Variants in SETBP1 observed in about 807,000 individuals in gnomAD.
SETBP1 encodes the protein SET-binding protein.
A neutral mutation model predicts 101.0 loss-of-function variants in SETBP1; 9 were observed. The observed-to-expected ratio is 0.09, with a 90% CI of 0.05 to 0.16. The LOEUF (loss-of-function observed/expected upper bound fraction) is 0.16. Ranked by LOEUF, SETBP1 falls within the 10% of genes least tolerant of loss-of-function variation. The probability of loss-of-function intolerance (pLI) is 1.00; values close to 1 mark genes in which losing one functional copy is unlikely to be tolerated. For synonymous variants in SETBP1, 818 were observed against 788.5 expected, an observed-to-expected ratio of 1.04 and a Z score of -0.63; for missense variants, 1,858 against 2,033.8, an observed-to-expected ratio of 0.91 and a Z score of 1.66.
intron 1 of SETBP1, among the ~76,000 whole-genome samples, chr18:44,688,315 A>C (rs1279044903): frequency 6.6e-6 from 1 of 152,178 alleles, no homozygotes; most frequent in Non-Finnish European, 1.5e-5. Context: ...AAAGGTTGAG[A>C]TGGGGAAGCT....
At chr18:44,690,512 C>T (rs2068912399) in intron 1 of SETBP1, among the ~76,000 whole-genome samples, 1 of 152,188 alleles carries the variant, frequency 6.6e-6, no homozygotes, top group Non-Finnish European at 1.5e-5. Flanking sequence ...TCAGTTTATC[C>T]TCATTGCCTC....
chr18:44,690,184 T>A (rs1043887352), intron 1 of SETBP1, among the ~76,000 whole-genome samples: 2 of 152,222 alleles, frequency 1.3e-5, no homozygotes, highest in African/African-American at 4.8e-5. Flanking sequence ...AAGTGTTTAA[T>A]GTATAATTGG....
At chr18:44,857,166 C>G (rs996707771) in intron 2 of SETBP1, among the ~76,000 whole-genome samples, 1 of 152,200 alleles carries the variant, frequency 6.6e-6, no homozygotes. Flanking sequence ...GAAACCTCTT[C>G]TTCTATGAAA....
chr18:44,773,785 T>G (rs988244599), intron 2 of SETBP1, among the ~76,000 whole-genome samples: 9 of 150,640 alleles, frequency 6.0e-5, no homozygotes, highest in Non-Finnish European at 1.3e-4. Flanking sequence ...AGTATTAATC[T>G]CAACCAGCCT....
intron 3 of SETBP1, among the ~76,000 whole-genome samples, chr18:44,942,011 T>C (rs912481372): frequency 5.9e-5 from 9 of 152,216 alleles, no homozygotes; most frequent in Non-Finnish European, 1.3e-4. Flanking sequence ...GTTCTGGATA[T>C]TGTGGATGCT....
chr18:44,858,871 T>G (rs1216701681), intron 2 of SETBP1, among the ~76,000 whole-genome samples: 1 of 152,210 alleles, frequency 6.6e-6, no homozygotes, highest in Non-Finnish European at 1.5e-5. Flanking sequence ...ACTTTAATAT[T>G]ATTAAAAGTA....
chr18:44,987,383 C>T (rs2072264171), intron 4 of SETBP1: 1 of 152,190 alleles, frequency 6.6e-6, no homozygotes, highest in South Asian at 2.1e-4. Flanking sequence ...CGCAAACCCC[C>T]AATTAGGATT....
chr18:44,923,231 A>G (rs1450764847), intron 3 of SETBP1, among the ~76,000 whole-genome samples: 2 of 152,220 alleles, frequency 1.3e-5, no homozygotes, highest in Non-Finnish European at 2.9e-5. Flanking sequence ...GCATTTGAAG[A>G]ACATGGAACT....
intron 3 of SETBP1, among the ~76,000 whole-genome samples, chr18:44,943,959 C>T (rs751668033): frequency 1.3e-5 from 2 of 151,862 alleles, no homozygotes; most frequent in African/African-American, 2.4e-5. Context: ...CTCAGCCTCC[C>T]GAGTAGCTGG....
intron 1 of SETBP1, among the ~76,000 whole-genome samples, chr18:44,697,765 G>A (rs2069044464): frequency 6.6e-6 from 1 of 152,218 alleles, no homozygotes; most frequent in Non-Finnish European, 1.5e-5. Flanking sequence ...GTCCGGCCAA[G>A]GAGTGAGCAC....
rs569176422 is a variant in SETBP1 at position 45,018,352 on chromosome 18, T to C, written c.4001-20133T>C. On this transcript the variant is annotated intron_variant, in intron 4 of 5. Coordinates refer to ENST00000649279, the MANE Select transcript of SETBP1 (RefSeq NM_015559.3). Reference sequence around the variant, plus strand: ...CTTGTTTTCATTTCAAATGGTAGTGTTAGTTGTGTGGTTTTGTATGTGTTG... The same window carrying C: ...CTTGTTTTCATTTCAAATGGTAGTGCTAGTTGTGTGGTTTTGTATGTGTTG... Among the ~76,000 whole-genome samples the C allele has an allele frequency of 3.3e-5, 5 of 152,316 alleles. No individual in the cohort carries two copies. In the South Asian group the frequency reaches 1.0e-3, roughly 32 times the overall value.
At chr18:45,011,596 C>T (rs1018588279) in intron 4 of SETBP1, among the ~76,000 whole-genome samples, 1 of 152,240 alleles carries the variant, frequency 6.6e-6, no homozygotes, top group Non-Finnish European at 1.5e-5. Flanking sequence ...CTCTTTCTCT[C>T]AGGGGCCAGG....
chr18:44,806,059 A>C (rs2071726106), intron 2 of SETBP1, among the ~76,000 whole-genome samples: 1 of 152,102 alleles, frequency 6.6e-6, no homozygotes, highest in Non-Finnish European at 1.5e-5. Context: ...TCTGTCACAC[A>C]CTTCTTGATA....
rs896046013 is a variant in SETBP1 at position 44,974,395 on chromosome 18, G to T, written c.4000+21055G>T. 2.6e-5 allele frequency among the ~76,000 whole-genome samples: 4 copies of T among 152,330 alleles called. No homozygotes were observed. The South Asian group carries it at 6.2e-4, about 24-fold the overall frequency. On this transcript the variant is annotated intron_variant, in intron 4 of 5. Transcript: ENST00000649279. ...AGCTAAGTAAGTTTGGCAAGGAGGG[G>T]AGGGAGATGAGAGTAGCTGAGGATA...
At chr18:45,002,789 G>A (rs57741992) in intron 4 of SETBP1, among the ~76,000 whole-genome samples, 9,147 of 152,204 alleles carry the variant, frequency 0.06, 321 homozygotes, top group South Asian at 0.11. Context: ...AAAGGTGTTC[G>A]TTTGTTTTAC....
rs2073980146 is a variant in SETBP1 at position 45,067,232 on chromosome 18, A to G, written c.*3534A>G. ...GCTGGGTCTATAAATATGATAAGCA[A>G]GTGGTGACAGAATTATAGTATAAGG... is the stretch of plus-strand genomic sequence containing the variant. On this transcript the variant is annotated 3_prime_UTR_variant, in exon 6 of 6. Coordinates refer to ENST00000649279, the MANE Select transcript of SETBP1 (RefSeq NM_015559.3). 1 of 152,244 alleles carries G rather than the reference A, an allele frequency of 6.6e-6. No individual in the cohort carries two copies. Among genetic ancestry groups the G allele is most frequent in the Non-Finnish European group, 1.5e-5 (1 of 68,038 alleles). The allele number at this position is 152,244 out of a possible 1,614,324, so 9.4% of individuals were successfully genotyped here. A position where few individuals can be genotyped will look rare whatever the true frequency, so the allele number is the denominator to read the frequency against.
At chr18:45,055,737 A>C (rs2145569155) in intron 5 of SETBP1, among the ~76,000 whole-genome samples, 1 of 152,360 alleles carries the variant, frequency 6.6e-6, no homozygotes. Context: ...TATCAGTTAA[A>C]CAAGATTTTT....
intron 4 of SETBP1, among the ~76,000 whole-genome samples, chr18:45,000,451 C>T (rs1030280825): frequency 1.3e-5 from 2 of 152,152 alleles, no homozygotes; most frequent in Non-Finnish European, 2.9e-5. Context: ...TGCCTGGAAA[C>T]AGGGCATGGT....
intron 2 of SETBP1, among the ~76,000 whole-genome samples, chr18:44,796,538 T>C (rs1289114258): frequency 6.6e-6 from 1 of 152,220 alleles, no homozygotes; most frequent in Non-Finnish European, 1.5e-5. Context: ...AAAAGCTCTT[T>C]ATGTGATTCC....
Sources: allele counts gnomAD v4.1 joint callset (sites outside exome capture counted in the v4.1 genomes callset), GRCh38; gene constraint gnomAD v4.1.1; transcripts MANE v1.5; gene names NCBI Gene and HGNC (gene_info 2026-07-23, HGNC 2026-07-21).